GALNT13: variants seen among roughly 807,000 people sequenced by gnomAD.
The protein encoded by GALNT13 is polypeptide N-acetylgalactosaminyltransferase 13.
Under a neutral mutation model 64.2 loss-of-function variants are expected in GALNT13, and 28 were observed. The ratio of observed to expected loss-of-function variants is 0.44; its 90% CI spans 0.32 to 0.60. The LOEUF is 0.60. GALNT13 is among the 20% of genes least tolerant of loss of function. The pLI, the probability that GALNT13 is intolerant of heterozygous loss-of-function variation, is 0.05. For synonymous variants in GALNT13, 214 were observed against 224.6 expected (o/e 0.95, Z 0.42); for missense variants, 577 against 669.8 (o/e 0.86, Z 1.53).
intron 3 of GALNT13, among the ~76,000 whole-genome samples, chr2:154,050,499 A>G (rs1008607184): frequency 3.9e-5 from 6 of 152,218 alleles, no homozygotes; most frequent in Admixed American, 3.9e-4. Context: ...ATAGCTTGAT[A>G]AAGACAGCCA....
the GALNT13 span, among the ~76,000 whole-genome samples, chr2:153,204,796 A>G: frequency 5.3e-5 from 8 of 152,304 alleles, no homozygotes; most frequent in South Asian, 4.1e-4. Context: ...TGAGTCAACT[A>G]TCTATACATG....
chr2:154,135,590 T>A (rs1193890220), intron 3 of GALNT13, among the ~76,000 whole-genome samples: 1 of 152,212 alleles, frequency 6.6e-6, no homozygotes, highest in Non-Finnish European at 1.5e-5. Context: ...AACTATCATA[T>A]TGATATGTGA....
chr2:153,944,575 G>A lies in GALNT13; in HGVS notation c.78G>A (p.Leu26=), dbSNP rs773210639. The change falls in exon 3 of 13, where the codon CTG becomes CTA. Residue 26 remains leucine, a synonymous_variant. Coordinates refer to ENST00000392825, the MANE Select transcript of GALNT13 (RefSeq NM_052917.4). ...MWVLVDVFLL[L]YFSECNKCDD... is the part of the protein sequence containing the mutation. ...TTCTTGTTGATGTCTTCTTACTGCT[G>A]TACTTCAGTGAATGTAACAAATGTG... 3.7e-6 allele frequency: 6 copies of A among 1,613,500 alleles called. No homozygotes were observed. Among genetic ancestry groups the A allele is most frequent in the Non-Finnish European group, 5.1e-6 (6 of 1,179,576 alleles).
chr2:154,277,865 A>G (rs141648295), intron 8 of GALNT13, among the ~76,000 whole-genome samples: 15 of 152,306 alleles, frequency 9.8e-5, no homozygotes, highest in Non-Finnish European at 2.2e-4. Context: ...TACACTGCAA[A>G]TATGCCAAAA....
At chr2:153,712,463 A>G in the GALNT13 span, among the ~76,000 whole-genome samples, 3 of 152,180 alleles carry the variant, frequency 2.0e-5, no homozygotes, top group Admixed American at 2.0e-4. Flanking sequence ...CATCTGCAAG[A>G]AAGAAGAACC....
chr2:154,257,701 G>A (rs1476655270), intron 7 of GALNT13: 1 of 152,176 alleles, frequency 6.6e-6, no homozygotes. Flanking sequence ...AGAGCACTGG[G>A]AGAAATAGAG....
the GALNT13 span, among the ~76,000 whole-genome samples, chr2:153,275,922 G>A: frequency 6.6e-6 from 1 of 152,064 alleles, no homozygotes; most frequent in African/African-American, 2.4e-5. Flanking sequence ...GAAGAGTTTA[G>A]GAAAGTACCA....
At chr2:153,871,221 G>T (rs1685905048), upstream of GALNT13, among the ~76,000 whole-genome samples, 1 of 152,090 alleles carries the variant, frequency 6.6e-6, no homozygotes, top group Non-Finnish European at 1.5e-5. Context: ...CCTGAGAAAG[G>T]AATTCAAAGC....
chr2:153,319,447 A>AT, the GALNT13 span, among the ~76,000 whole-genome samples: 2 of 151,916 alleles, frequency 1.3e-5, no homozygotes, highest in South Asian at 4.1e-4. Context: ...GTAGCTATTT[A>AT]TTTTTTATTT....
the GALNT13 span, among the ~76,000 whole-genome samples, chr2:153,771,159 C>T: frequency 2.6e-5 from 4 of 152,134 alleles, no homozygotes; most frequent in Non-Finnish European, 5.9e-5. Context: ...GGAAAAACTG[C>T]TGTTACATGG....
chr2:154,078,050 T>C (rs1272880387), intron 3 of GALNT13, among the ~76,000 whole-genome samples: 1 of 151,500 alleles, frequency 6.6e-6, no homozygotes. Context: ...CTTTCAAAAC[T>C]ATGGATATTT....
At chr2:154,252,707 A>G (rs2105890366) in intron 7 of GALNT13, among the ~76,000 whole-genome samples, 1 of 149,630 alleles carries the variant, frequency 6.7e-6, no homozygotes, top group East Asian at 2.0e-4. Flanking sequence ...TGTATAAGGT[A>G]TATGGACGAA....
intron 9 of GALNT13, among the ~76,000 whole-genome samples, chr2:154,352,159 G>A (rs909027238): frequency 2.0e-4 from 30 of 152,256 alleles, no homozygotes; most frequent in African/African-American, 7.0e-4. Context: ...TAATAAATAA[G>A]TTGAAGTTAA....
In GALNT13 at chr2:154,097,014, GTAAGTAAA is replaced by G. The variant is rs1033221822; in HGVS notation, c.143-43319_143-43312del. On this transcript the variant is annotated intron_variant, in intron 3 of 12. Transcript: ENST00000392825. ...AGTGAATAAGAAAATAAGTAAGTAA[GTAAGTAAA>G]TAAATAAATATTTTAAAGCCTTAAA... Among the ~76,000 whole-genome samples the G allele has an allele frequency of 1.7e-4, 12 of 70,052 alleles. No homozygotes were observed. The South Asian group carries it at 2.4e-3, about 14-fold the overall frequency. The allele number at this position is 70,052 out of a possible 152,430, so 46.0% of individuals were successfully genotyped here. A position where few individuals can be genotyped will look rare whatever the true frequency, so the allele number is the denominator to read the frequency against.
the GALNT13 span, among the ~76,000 whole-genome samples, chr2:153,542,323 A>C: frequency 4.0e-5 from 5 of 124,404 alleles, no homozygotes; most frequent in South Asian, 1.5e-3. Context: ...TCCATCTCAA[A>C]AAACAAACAA....
the GALNT13 span, among the ~76,000 whole-genome samples, chr2:153,780,236 T>TATATATATGC: frequency 3.6e-4 from 4 of 11,210 alleles, no homozygotes; most frequent in Admixed American, 1.6e-3. Flanking sequence ...TATATATATA[T>TATATATATGC]ATATATATAT....
chr2:154,089,983 A>G (rs985801618), intron 3 of GALNT13, among the ~76,000 whole-genome samples: 1 of 152,046 alleles, frequency 6.6e-6, no homozygotes, highest in African/African-American at 2.4e-5. Flanking sequence ...ATGTGTCAGT[A>G]ATTGGGCCAG....
chr2:154,174,014 T>C (rs1470459776), intron 4 of GALNT13, among the ~76,000 whole-genome samples: 1 of 152,080 alleles, frequency 6.6e-6, no homozygotes, highest in Non-Finnish European at 1.5e-5. Context: ...AAAACCAGCA[T>C]ATGATCCAGC....
In GALNT13 at chr2:154,451,203, G is replaced by A. The variant is rs1701858780; in HGVS notation, c.*652G>A. 2 of 152,058 alleles carry A rather than the reference G, an allele frequency of 1.3e-5. No homozygotes were observed. Among genetic ancestry groups the A allele is most frequent in the Admixed American group, 6.6e-5 (1 of 15,216 alleles). 9.4% of individuals were successfully genotyped at this position (152,058 alleles called of 1,614,324 possible). A position where few individuals can be genotyped will look rare whatever the true frequency, so the allele number is the denominator to read the frequency against. ...TTAGAGTACATAAAAAAAGAAATCCGCGAAGCATTGAGGGGAACAAGATGA... is the reference window on the plus strand; with the variant it reads ...TTAGAGTACATAAAAAAAGAAATCCACGAAGCATTGAGGGGAACAAGATGA... On this transcript the variant is annotated 3_prime_UTR_variant, in exon 13 of 13. Transcript: ENST00000392825.
Sources: gnomAD v4.1 joint callset for allele counts (sites outside exome capture counted in the v4.1 genomes callset) on GRCh38, gnomAD v4.1.1 for gene constraint, MANE v1.5 for transcripts, NCBI Gene and HGNC (gene_info 2026-07-23, HGNC 2026-07-21) for gene names.